Variants in NRP2 observed in about 807,000 individuals in gnomAD.
The protein encoded by NRP2 is neuropilin-2.
A neutral mutation model predicts 110.4 loss-of-function variants in NRP2; 52 were observed. That is an observed-to-expected ratio of 0.47 (90% CI 0.38 to 0.59). The LOEUF (loss-of-function observed/expected upper bound fraction) is 0.59, where lower values mean the gene tolerates loss of function less well. Ranked by LOEUF, NRP2 falls within the 20% of genes least tolerant of loss-of-function variation. NRP2 has a pLI of 0.00. For missense variants in NRP2, 1,049 were observed against 1,203.0 expected (o/e 0.87, Z 1.89); for synonymous variants, 508 against 468.9 (o/e 1.08, Z -1.08).
rs746092826 is a variant in NRP2 at position 205,794,809 on chromosome 2, C to T, written c.2532C>T (p.Ala844=). 3.1e-6 allele frequency: 5 copies of T among 1,614,066 alleles called. No individual in the cohort carries two copies. Among genetic ancestry groups the T allele is most frequent in the African/African-American group, 1.3e-5 (1 of 74,918 alleles). ...NSSSATSGSG[A]PSTDKEKSWL... Reference sequence around the variant, plus strand: ...CTTCTGCAACCTCAGGGTCTGGCGCCCCCTCGACCGACAAAGAAAAGAGCT... The same window carrying T: ...CTTCTGCAACCTCAGGGTCTGGCGCTCCCTCGACCGACAAAGAAAAGAGCT... Residue 844 remains alanine, a synonymous_variant, in exon 17 of 17, where the codon GCC becomes GCT. Transcript: ENST00000357785.
chr2:205,689,562 C>T (rs1038579975), intron 1 of NRP2, among the ~76,000 whole-genome samples: 2 of 152,124 alleles, frequency 1.3e-5, no homozygotes, highest in Non-Finnish European at 2.9e-5. Context: ...TCAGTTCTTC[C>T]ACCACCAAAC....
chr2:205,742,112 C>G (rs1443516484), intron 8 of NRP2, among the ~76,000 whole-genome samples: 5 of 152,226 alleles, frequency 3.3e-5, no homozygotes, highest in Non-Finnish European at 5.9e-5. Flanking sequence ...AGAGGTCATT[C>G]TCTGGAAGAT....
rs1165508146 is a variant in NRP2, at chr2:205,743,267, C to T, written c.1356C>T (p.Ala452=). The T allele has an allele frequency of 6.2e-7, 1 of 1,614,068 alleles. No homozygotes were observed. Among genetic ancestry groups the T allele is most frequent in the African/African-American group, 1.3e-5 (1 of 74,942 alleles). Residue 452 remains alanine (A), a synonymous_variant, in exon 9 of 17, where the codon GCC becomes GCT. Transcript: ENST00000357785. ...SGLIADSQIS[A]SSTQEYLWSP... is the part of the protein sequence containing the mutation. ...TCATTGCAGACTCCCAGATCTCCGCCTCTTCCACCCAGGAATACCTCTGGA... is the reference window on the plus strand; with the variant it reads ...TCATTGCAGACTCCCAGATCTCCGCTTCTTCCACCCAGGAATACCTCTGGA...
At chr2:205,783,990 C>T (rs1403720511) in intron 15 of NRP2, among the ~76,000 whole-genome samples, 1 of 52,370 alleles carries the variant, frequency 1.9e-5, no homozygotes, top group Non-Finnish European at 3.9e-5. Flanking sequence ...AACTAGAGTG[C>T]ATCTCTCTCT....
At chr2:205,713,035 G>A (rs1482615967) in intron 2 of NRP2, among the ~76,000 whole-genome samples, 1 of 152,210 alleles carries the variant, frequency 6.6e-6, no homozygotes, top group Non-Finnish European at 1.5e-5. Flanking sequence ...GGATGTATTT[G>A]TTGCAGGCAG....
At chr2:205,765,084 G>C (rs150758008) in intron 13 of NRP2, among the ~76,000 whole-genome samples, 16 of 152,270 alleles carry the variant, frequency 1.1e-4, no homozygotes, top group African/African-American at 3.6e-4. Context: ...TGTGTCTTCT[G>C]AGTTTTCAAA....
rs2057478905 is a variant in NRP2 at position 205,743,387 on chromosome 2, G to C, written c.1476G>C (p.Leu492=). Residue 492 remains leucine (L), a synonymous_variant, in exon 9 of 17, where the codon CTG becomes CTC. Transcript: ENST00000357785. ...QPGEEWLQVD[L]GTPKTVKGVI... is the part of the protein sequence containing the mutation. ...GTGAGGAGTGGCTTCAGGTAGATCTGGGAACACCCAAGACAGTGAAAGGTG... is the reference window on the plus strand; with the variant it reads ...GTGAGGAGTGGCTTCAGGTAGATCTCGGAACACCCAAGACAGTGAAAGGTG... 2 of 1,614,108 alleles carry C rather than the reference G, an allele frequency of 1.2e-6. No homozygotes were observed. The highest frequency in any genetic ancestry group is 3.3e-5 in the Admixed American group (2 of 60,012).
intron 15 of NRP2, among the ~76,000 whole-genome samples, chr2:205,774,037 A>G (rs1255991828): frequency 6.6e-6 from 1 of 152,104 alleles, no homozygotes; most frequent in African/African-American, 2.4e-5. Context: ...ACCCCAGGAC[A>G]CCCTTTGGGG....
chr2:205,683,388 T>G lies in NRP2; in HGVS notation c.73+25T>G, dbSNP rs939344859. On this transcript the variant is annotated intron_variant, in intron 1 of 16. Coordinates refer to ENST00000357785, the MANE Select transcript of NRP2 (RefSeq NM_003872.3). ...GGTAAGCCACTGAAAGTTTTTCTATTTATTGCAACATGGTTTCCCCTTTAA... is the reference window on the plus strand; with the variant it reads ...GGTAAGCCACTGAAAGTTTTTCTATGTATTGCAACATGGTTTCCCCTTTAA... 3.9e-6 allele frequency: 6 copies of G among 1,558,284 alleles called. No homozygotes were observed. In the African/African-American group the frequency reaches 8.1e-5, roughly 21 times the overall value.
chr2:205,758,482 G>A (rs763568109), intron 12 of NRP2, among the ~76,000 whole-genome samples: 1 of 152,194 alleles, frequency 6.6e-6, no homozygotes, highest in African/African-American at 2.4e-5. Context: ...AGATGCGGCC[G>A]TAAATCGCCA....
intron 2 of NRP2, among the ~76,000 whole-genome samples, chr2:205,698,926 T>TC (rs1254545317): frequency 6.6e-6 from 1 of 152,232 alleles, no homozygotes; most frequent in East Asian, 1.9e-4. Flanking sequence ...GGCCAGCACT[T>TC]CCTCATGGAG....
intron 12 of NRP2, chr2:205,760,830 C>T (rs770212018): frequency 6.6e-6 from 1 of 152,198 alleles, no homozygotes; most frequent in Admixed American, 6.5e-5. Context: ...GATTTCCCTG[C>T]CGCTTAAGAA....
At chr2:205,741,993 C>T (rs1421716050) in intron 8 of NRP2, among the ~76,000 whole-genome samples, 1 of 152,230 alleles carries the variant, frequency 6.6e-6, no homozygotes, top group Non-Finnish European at 1.5e-5. Context: ...CACATTTACA[C>T]AAAGACCCAT....
chr2:205,776,496 G>A (rs1307704662), intron 15 of NRP2: 2 of 1,609,216 alleles, frequency 1.2e-6, no homozygotes, highest in Non-Finnish European at 1.7e-6. Context: ...TAACCATTAA[G>A]CTAGAGCAAG....
chr2:205,769,505 T>TACATACACACAC (rs145002505), intron 15 of NRP2, among the ~76,000 whole-genome samples: 1 of 145,100 alleles, frequency 6.9e-6, no homozygotes, highest in East Asian at 2.1e-4. Context: ...TATACATACA[T>TACATACACACAC]ACACACACAC....
intron 15 of NRP2, among the ~76,000 whole-genome samples, chr2:205,783,253 C>T (rs748234949): frequency 6.6e-6 from 1 of 152,116 alleles, no homozygotes; most frequent in Non-Finnish European, 1.5e-5. Flanking sequence ...ATGGACCTGG[C>T]TCTAAGTGTC....
intron 7 of NRP2, among the ~76,000 whole-genome samples, chr2:205,734,440 T>A (rs1575602370): frequency 1.1e-5 from 1 of 94,062 alleles, no homozygotes; most frequent in South Asian, 3.9e-4. Flanking sequence ...CTCCCCCTAC[T>A]TGACTGTTTT....
chr2:205,747,901 C>T (rs1248144741), intron 10 of NRP2, among the ~76,000 whole-genome samples: 1 of 152,170 alleles, frequency 6.6e-6, no homozygotes, highest in Non-Finnish European at 1.5e-5. Flanking sequence ...CCTGCCTGGC[C>T]ATTCCTTGGA....
chr2:205,706,365 G>C (rs1283738891), intron 2 of NRP2, among the ~76,000 whole-genome samples: 1 of 152,172 alleles, frequency 6.6e-6, no homozygotes, highest in East Asian at 1.9e-4. Context: ...TATTGGAAAG[G>C]AAAGGAATAA....
Sources: allele counts gnomAD v4.1 joint callset (sites outside exome capture counted in the v4.1 genomes callset), GRCh38; gene constraint gnomAD v4.1.1; transcripts MANE v1.5; gene names NCBI Gene and HGNC (gene_info 2026-07-23, HGNC 2026-07-21).